Variants in RNF130 observed in about 807,000 individuals in gnomAD.
RNF130 encodes the protein ring finger protein 130.
In RNF130, 21 loss-of-function variants were observed where a neutral mutation model predicts 44.6. That is an observed-to-expected ratio of 0.47 (90% CI 0.33 to 0.68). The LOEUF is 0.68. Ranked by LOEUF, RNF130 falls within the 30% of genes least tolerant of loss-of-function variation. RNF130 has a pLI of 0.02. For synonymous variants in RNF130, 214 were observed against 210.4 expected, an observed-to-expected ratio of 1.02 and a Z score of -0.15; for missense variants, 479 against 560.6, an observed-to-expected ratio of 0.85 and a Z score of 1.47.
intron 1 of RNF130, among the ~76,000 whole-genome samples, chr5:180,052,254 C>A (rs1261914029): frequency 6.6e-6 from 1 of 152,196 alleles, no homozygotes; most frequent in Non-Finnish European, 1.5e-5. Context: ...TAATATTCAC[C>A]TGCCTGCTTG....
In RNF130 at chr5:179,966,803, T is replaced by C. The variant is rs754057494; in HGVS notation, c.1150+3A>G. On this transcript the variant is annotated splice_donor_region_variant and intron_variant, in intron 7 of 8. Transcript: ENST00000521389. ...CTGTGCCTGAGCGGAGGCCCCCACT[T>C]ACTTGTTACTGCAATGTTGATTTCT... The C allele has an allele frequency of 4.7e-5, 76 of 1,612,630 alleles. 1 individual carries two copies. In the South Asian group the frequency reaches 5.2e-4, roughly 11 times the overall value.
At chr5:179,935,727 T>C (rs1478509466) in intron 7 of RNF130, among the ~76,000 whole-genome samples, 1 of 152,172 alleles carries the variant, frequency 6.6e-6, no homozygotes, top group Non-Finnish European at 1.5e-5. Flanking sequence ...TAGTGTATTA[T>C]ATTATTATTT....
At chr5:180,011,205 A>G (rs923412473) in intron 3 of RNF130, among the ~76,000 whole-genome samples, 29 of 152,346 alleles carry the variant, frequency 1.9e-4, no homozygotes, top group Admixed American at 5.9e-4. Flanking sequence ...AAACCAAGTA[A>G]GAAGAGACAA....
intron 2 of RNF130, among the ~76,000 whole-genome samples, chr5:180,014,462 T>G (rs1763669011): frequency 6.6e-6 from 1 of 152,190 alleles, no homozygotes. Context: ...TATTTTATTT[T>G]GGGAAAGAGA....
chr5:179,970,593 G>T, intron 5 of RNF130, 87 bp from the exon 6 acceptor site: 1 of 990,224 alleles, frequency 1.0e-6, no homozygotes, highest in Non-Finnish European at 1.5e-6. Context: ...TTTTAGTTAA[G>T]TTTTCTTTTC....
chr5:180,026,010 CA>C (rs1254383413), intron 2 of RNF130, among the ~76,000 whole-genome samples: 12 of 151,644 alleles, frequency 7.9e-5, no homozygotes, highest in African/African-American at 2.7e-4. Flanking sequence ...CAAAGTGTGA[CA>C]TTTTTCTATT....
chr5:179,996,986 T>C (rs1763213847), intron 3 of RNF130, among the ~76,000 whole-genome samples: 1 of 152,222 alleles, frequency 6.6e-6, no homozygotes, highest in Non-Finnish European at 1.5e-5. Flanking sequence ...AGATTCACTT[T>C]AATTACTCAT....
intron 3 of RNF130, among the ~76,000 whole-genome samples, chr5:180,010,146 C>G (rs924719755): frequency 7.1e-6 from 1 of 141,810 alleles, no homozygotes; most frequent in Non-Finnish European, 1.5e-5. Flanking sequence ...ACTCCGGAGG[C>G]TGAGGCAGGA....
intron 3 of RNF130, among the ~76,000 whole-genome samples, chr5:180,009,615 T>C (rs1037952970): frequency 2.0e-5 from 3 of 152,200 alleles, no homozygotes; most frequent in African/African-American, 7.2e-5. Context: ...AGTCATACAT[T>C]TCTAGCAGGA....
chr5:179,987,786 C>T (rs1190048241), intron 3 of RNF130, among the ~76,000 whole-genome samples: 24 of 152,184 alleles, frequency 1.6e-4, no homozygotes, highest in Admixed American at 1.6e-3. Flanking sequence ...CTTGCAAATG[C>T]CAAAACATCC....
intron 5 of RNF130, among the ~76,000 whole-genome samples, chr5:179,976,208 A>G (rs1719862881): frequency 6.6e-6 from 1 of 152,228 alleles, no homozygotes; most frequent in Non-Finnish European, 1.5e-5. Flanking sequence ...TGAAACTGGA[A>G]AAGTCAACAC....
chr5:179,953,480 A>G (rs572867563), downstream of RNF130, among the ~76,000 whole-genome samples: 1 of 152,338 alleles, frequency 6.6e-6, no homozygotes, highest in South Asian at 2.1e-4. Context: ...CTCATATGTC[A>G]TTCTCAATTG....
intron 7 of RNF130, among the ~76,000 whole-genome samples, chr5:179,949,699 C>G (rs1762097117): frequency 6.6e-6 from 1 of 152,160 alleles, no homozygotes; most frequent in African/African-American, 2.4e-5. Context: ...TTAAATAACT[C>G]AAAGCTGTTG....
rs577304438 is a variant in RNF130 at position 180,014,753 on chromosome 5, G to A, written c.443-1442C>T. ...ATAATCCCAGCACTTTGGGAAGCCA[G>A]GGCAGGTGGATTGCTTGAGCTCAGG... On this transcript the variant is annotated intron_variant, in intron 2 of 8. Coordinates refer to ENST00000521389, the MANE Select transcript of RNF130 (RefSeq NM_018434.6). Among the ~76,000 whole-genome samples, 33 of 152,300 alleles carry A rather than the reference G, an allele frequency of 2.2e-4. No individual in the cohort carries two copies. In the South Asian group the frequency reaches 6.8e-3, roughly 32 times the overall value.
At chr5:180,061,079 A>AG (rs1764975526) in intron 1 of RNF130, among the ~76,000 whole-genome samples, 1 of 151,360 alleles carries the variant, frequency 6.6e-6, no homozygotes, top group Non-Finnish European at 1.5e-5. Flanking sequence ...AAAAAAAAAA[A>AG]AAAAAAAAAA....
At chr5:180,055,525 T>C (rs1269668552) in intron 1 of RNF130, among the ~76,000 whole-genome samples, 1 of 151,958 alleles carries the variant, frequency 6.6e-6, no homozygotes, top group Admixed American at 6.6e-5. Flanking sequence ...GGTATACCAG[T>C]TGTCCTAAAT....
intron 2 of RNF130, among the ~76,000 whole-genome samples, chr5:180,038,378 C>T (rs1328132680): frequency 2.1e-5 from 3 of 142,226 alleles, no homozygotes. Context: ...TAGACCCTGT[C>T]TCGGGGAGGG....
At chr5:180,016,611 A>C (rs1763741379) in intron 2 of RNF130, among the ~76,000 whole-genome samples, 2 of 152,248 alleles carry the variant, frequency 1.3e-5, no homozygotes, top group South Asian at 4.1e-4. Context: ...CCTGCTTCCA[A>C]CTATTTTCTT....
At chr5:180,038,112 G>A (rs1242753220) in intron 2 of RNF130, among the ~76,000 whole-genome samples, 2 of 152,112 alleles carry the variant, frequency 1.3e-5, no homozygotes, top group South Asian at 2.1e-4. Flanking sequence ...GCAGTGCAGT[G>A]GTGTGATCAC....
Sources: gnomAD v4.1 joint callset for allele counts (sites outside exome capture counted in the v4.1 genomes callset) on GRCh38, gnomAD v4.1.1 for gene constraint, MANE v1.5 for transcripts, NCBI Gene and HGNC (gene_info 2026-07-23, HGNC 2026-07-21) for gene names.